KIF1B: variants seen among roughly 807,000 people sequenced by gnomAD.
The protein encoded by KIF1B is kinesin-like protein KIF1B.
Under a neutral mutation model 241.9 loss-of-function variants are expected in KIF1B, and 76 were observed. The observed-to-expected ratio is 0.31, with a 90% CI of 0.26 to 0.38. The LOEUF (loss-of-function observed/expected upper bound fraction) is 0.38. KIF1B is among the 10% of genes least tolerant of loss of function. KIF1B has a pLI of 1.00. For missense variants in KIF1B, 1,622 were observed against 2,271.4 expected (o/e 0.71, Z 5.81); for synonymous variants, 750 against 796.7 (o/e 0.94, Z 0.99).
chr1:10,220,050 A>G (rs151222485), intron 1 of KIF1B, among the ~76,000 whole-genome samples: 2,795 of 151,738 alleles, frequency 0.018, 41 homozygotes, highest in Non-Finnish European at 0.027. Context: ...TAAAAATACA[A>G]AATTAGTTGG....
intron 2 of KIF1B, among the ~76,000 whole-genome samples, chr1:10,233,710 C>CT (rs61200537): frequency 0.53 from 76,182 of 142,546 alleles, 21,462 homozygotes; most frequent in African/African-American, 0.75. Context: ...CTCAATAAAG[C>CT]TTTTTTTTTT....
At chr1:10,240,380 GTA>G in intron 2 of KIF1B, among the ~76,000 whole-genome samples, 1 of 152,098 alleles carries the variant, frequency 6.6e-6, no homozygotes, top group South Asian at 2.1e-4. Context: ...GGCTAATTTT[GTA>G]TGTTTAGTAG....
chr1:10,344,895 A>G (rs1652530415), intron 34 of KIF1B: 1 of 152,212 alleles, frequency 6.6e-6, no homozygotes, highest in Admixed American at 6.5e-5. Flanking sequence ...ACAGTTAAGA[A>G]TATGGAGTTT....
Position 10,378,246 on chromosome 1 carries a change from G to A in KIF1B, c.*1659G>A. 1 of 707,942 alleles carries A rather than the reference G, an allele frequency of 1.4e-6. No homozygotes were observed. The highest frequency in any genetic ancestry group is 2.6e-6 in the Non-Finnish European group (1 of 381,316). The allele number at this position is 707,942 out of a possible 1,614,324, so 43.9% of individuals were successfully genotyped here. On this transcript the variant is annotated 3_prime_UTR_variant, in exon 49 of 49. Coordinates refer to ENST00000676179, the MANE Select transcript of KIF1B (RefSeq NM_001365951.3). Reference sequence around the variant, plus strand: ...GGGAGCCCGGGCCCCAGGCTTTGTTGCGTGTTCCCTGCTCCTCTCCATCTG... The same window carrying A: ...GGGAGCCCGGGCCCCAGGCTTTGTTACGTGTTCCCTGCTCCTCTCCATCTG...
rs554050027 is a variant in KIF1B at position 10,334,774 on chromosome 1, T to G, written c.3043+136T>G. On this transcript the variant is annotated intron_variant, in intron 28 of 48. Transcript: ENST00000676179. ...GTATGTGTAATATACAGACACATACTTTGGAGAAAGCCTTTATTGCTCCTT... is the reference window on the plus strand; with the variant it reads ...GTATGTGTAATATACAGACACATACGTTGGAGAAAGCCTTTATTGCTCCTT... 3.9e-4 allele frequency: 280 copies of G among 726,844 alleles called. 1 individual carries two copies. The African/African-American group carries it at 4.3e-3, about 11-fold the overall frequency. 45.0% of individuals were successfully genotyped at this position (726,844 alleles called of 1,614,324 possible).
chr1:10,334,472 A>C (rs1230409413), intron 27 of KIF1B, 48 bp from the exon 28 acceptor site: 2 of 1,381,390 alleles, frequency 1.4e-6, no homozygotes, highest in South Asian at 1.2e-5. Context: ...AAGCCAGTTT[A>C]TCTCTCCATG....
chr1:10,222,545 A>G (rs1320550373), intron 1 of KIF1B, among the ~76,000 whole-genome samples: 1 of 152,160 alleles, frequency 6.6e-6, no homozygotes, highest in African/African-American at 2.4e-5. Context: ...CAACCAAAAA[A>G]CTAGTATTAT....
At position 10,265,720 on chromosome 1, in the gene KIF1B, C is replaced by A. The variant is rs866859081; in HGVS notation, c.430-1660C>A. On this transcript the variant is annotated intron_variant, in intron 5 of 48. Coordinates refer to ENST00000676179, the MANE Select transcript of KIF1B (RefSeq NM_001365951.3). ...TTTTAATTAGCTAGGCATGGTGGCA[C>A]GTGCCTGTAGTCCCAGTTACTCCAG... 3.9e-5 allele frequency among the ~76,000 whole-genome samples: 6 copies of A among 152,116 alleles called. No homozygotes were observed. The South Asian group carries it at 6.2e-4, about 16-fold the overall frequency.
At chr1:10,241,778 C>A (rs1380766882) in intron 2 of KIF1B, among the ~76,000 whole-genome samples, 1 of 152,040 alleles carries the variant, frequency 6.6e-6, no homozygotes, top group Non-Finnish European at 1.5e-5. Flanking sequence ...GCCTTCTTTG[C>A]AACTCTCAAG....
intron 38 of KIF1B, among the ~76,000 whole-genome samples, chr1:10,360,038 T>C (rs1187493326): frequency 6.6e-6 from 1 of 150,844 alleles, no homozygotes; most frequent in Non-Finnish European, 1.5e-5. Context: ...GTCTCAAAAA[T>C]AAAATAAAAT....
chr1:10,246,590 A>G (rs1248558659), intron 2 of KIF1B, among the ~76,000 whole-genome samples: 2 of 152,132 alleles, frequency 1.3e-5, no homozygotes, highest in East Asian at 3.9e-4. Flanking sequence ...CTAAAAATAC[A>G]GAAATTAGCC....
chr1:10,354,408 CCT>C (rs1459904811), intron 38 of KIF1B, among the ~76,000 whole-genome samples: 3 of 152,042 alleles, frequency 2.0e-5, no homozygotes, highest in Non-Finnish European at 4.4e-5. Flanking sequence ...GAATTAGAAA[CCT>C]GTGAAGAAAA....
intron 1 of KIF1B, among the ~76,000 whole-genome samples, chr1:10,224,637 T>G (rs1646887988): frequency 6.6e-6 from 1 of 152,174 alleles, no homozygotes. Context: ...TTGCCCAGGC[T>G]GGTCTTGAAC....
At chr1:10,282,720 G>A (rs1649473012) in intron 15 of KIF1B, among the ~76,000 whole-genome samples, 187 bp downstream of exon 15, 1 of 151,664 alleles carries the variant, frequency 6.6e-6, no homozygotes, top group South Asian at 2.1e-4. Flanking sequence ...AGTCTGACAT[G>A]GCCAGGCAGA....
At position 10,376,689 on chromosome 1, in the gene KIF1B, G is replaced by T. The variant is rs1282461298; in HGVS notation, c.*102G>T. ...GACGGTGACTCTTGTATGTAATCCT[G>T]TGGCTTAACTACTTCTCCCTCCTTG... On this transcript the variant is annotated 3_prime_UTR_variant, in exon 49 of 49. Coordinates refer to ENST00000676179, the MANE Select transcript of KIF1B (RefSeq NM_001365951.3). 3 of 1,194,308 alleles carry T rather than the reference G, an allele frequency of 2.5e-6. No homozygotes were observed. The highest frequency in any genetic ancestry group is 3.0e-5 in the African/African-American group (2 of 66,636). The allele number at this position is 1,194,308 out of a possible 1,614,324, so 74.0% of individuals were successfully genotyped here.
chr1:10,238,736 C>CAAA (rs747588155), intron 2 of KIF1B, among the ~76,000 whole-genome samples: 1 of 145,580 alleles, frequency 6.9e-6, no homozygotes, highest in South Asian at 2.2e-4. Context: ...ACAACAACAA[C>CAAA]AAAAAACACC....
In KIF1B at chr1:10,305,640, A is replaced by G. The variant is rs1355084669; in HGVS notation, c.2115+8394A>G. ...GGGCTTGGAATAAAGGAGATGATAC[A>G]TAATAAACTATTCTTTGGTTAGCAT... On this transcript the variant is annotated intron_variant, in intron 22 of 48. Coordinates refer to ENST00000676179, the MANE Select transcript of KIF1B (RefSeq NM_001365951.3). 4.7e-6 allele frequency: 5 copies of G among 1,056,594 alleles called. No individual in the cohort carries two copies. The African/African-American group carries it at 6.6e-5, about 14-fold the overall frequency. The allele number at this position is 1,056,594 out of a possible 1,614,324, so 65.5% of individuals were successfully genotyped here. A position where few individuals can be genotyped will look rare whatever the true frequency, so the allele number is the denominator to read the frequency against.
At chr1:10,306,376 G>C in intron 22 of KIF1B, 1 of 1,041,498 alleles carries the variant, frequency 9.6e-7, no homozygotes, top group Non-Finnish European at 1.2e-6. Context: ...TGTAAACCCA[G>C]TTGTCCTTTT....
intron 2 of KIF1B, among the ~76,000 whole-genome samples, chr1:10,250,003 G>C (rs1647348746): frequency 6.6e-6 from 1 of 152,100 alleles, no homozygotes; most frequent in African/African-American, 2.4e-5. Flanking sequence ...TGGAGATGGG[G>C]TCTCACTATG....
Sources: allele counts gnomAD v4.1 joint callset (sites outside exome capture counted in the v4.1 genomes callset), GRCh38; gene constraint gnomAD v4.1.1; transcripts MANE v1.5; gene names NCBI Gene and HGNC (gene_info 2026-07-23, HGNC 2026-07-21).